The following LRMDA variants were observed in gnomAD, a reference collection of about 807,000 sequenced individuals.
The protein encoded by LRMDA is leucine-rich melanocyte differentiation-associated protein.
A neutral mutation model predicts 29.8 loss-of-function variants in LRMDA; 18 were observed. That is an observed-to-expected ratio of 0.60 (90% confidence interval 0.42 to 0.90). The LOEUF is 0.90. Ranked by LOEUF, LRMDA falls within the 40% of genes least tolerant of loss-of-function variation. The probability of loss-of-function intolerance (pLI) is 0.00; values close to 1 mark genes in which losing one functional copy is unlikely to be tolerated. For synonymous variants in LRMDA, 125 were observed against 109.4 expected (o/e 1.14, Z -0.89); for missense variants, 273 against 273.9 (o/e 1.00, Z 0.02).
intron 2 of LRMDA, among the ~76,000 whole-genome samples, chr10:75,585,672 A>T (rs1770444194): frequency 1.3e-5 from 2 of 152,268 alleles, no homozygotes; most frequent in African/African-American, 4.8e-5. Context: ...ATTTTATTTT[A>T]TTGTGGTAAG....
At chr10:76,032,343 C>A (rs906041289) in intron 2 of LRMDA, among the ~76,000 whole-genome samples, 4 of 152,336 alleles carry the variant, frequency 2.6e-5, no homozygotes, top group African/African-American at 9.6e-5. Context: ...CACGCCTGTT[C>A]GGCGCTGCTG....
chr10:76,536,082 A>G (rs1411120445), intron 6 of LRMDA: 1 of 152,194 alleles, frequency 6.6e-6, no homozygotes, highest in Non-Finnish European at 1.5e-5. Flanking sequence ...TGGCATATAG[A>G]TACCATTTTA....
intron 2 of LRMDA, among the ~76,000 whole-genome samples, chr10:75,974,480 T>G (rs983937018): frequency 1.3e-5 from 2 of 152,190 alleles, no homozygotes; most frequent in African/African-American, 4.8e-5. Flanking sequence ...GTCTGTAAAA[T>G]GAGGATAGCA....
chr10:75,936,019 T>G (rs952930295), intron 2 of LRMDA, among the ~76,000 whole-genome samples: 1 of 152,136 alleles, frequency 6.6e-6, no homozygotes, highest in South Asian at 2.1e-4. Context: ...TTATTTTATT[T>G]TGTTTAAAAG....
intron 2 of LRMDA, among the ~76,000 whole-genome samples, chr10:75,999,124 C>T (rs1847519812): frequency 6.6e-6 from 1 of 152,210 alleles, no homozygotes; most frequent in African/African-American, 2.4e-5. Flanking sequence ...GCATGTCACA[C>T]AGCTGGTGGG....
At chr10:75,836,069 C>G (rs1215365233) in intron 2 of LRMDA, among the ~76,000 whole-genome samples, 1 of 152,038 alleles carries the variant, frequency 6.6e-6, no homozygotes, top group Non-Finnish European at 1.5e-5. Context: ...TGTAGGGGTT[C>G]AGGGCGACTT....
intron 5 of LRMDA, among the ~76,000 whole-genome samples, chr10:76,095,844 T>A (rs1005401280): frequency 6.6e-6 from 1 of 152,280 alleles, no homozygotes; most frequent in Middle Eastern, 3.4e-3. Flanking sequence ...TTCAAATCTT[T>A]TGTCCATTTA....
At chr10:76,232,542 G>A (rs1185572574) in intron 5 of LRMDA, among the ~76,000 whole-genome samples, 1 of 152,200 alleles carries the variant, frequency 6.6e-6, no homozygotes, top group African/African-American at 2.4e-5. Flanking sequence ...GACTGATGCA[G>A]GATTTTCTTC....
intron 6 of LRMDA, among the ~76,000 whole-genome samples, chr10:76,533,148 AGAGT>A (rs3066541): frequency 0.35 from 53,317 of 151,678 alleles, 10,077 homozygotes; most frequent in Middle Eastern, 0.51. Flanking sequence ...AGCGAGAGCG[AGAGT>A]GAGAGAGAGC....
intron 2 of LRMDA, among the ~76,000 whole-genome samples, chr10:75,851,798 G>A (rs1451302276): frequency 6.6e-6 from 1 of 152,230 alleles, no homozygotes; most frequent in Non-Finnish European, 1.5e-5. Flanking sequence ...AGACGACAGT[G>A]TTATAAATCA....
intron 5 of LRMDA, among the ~76,000 whole-genome samples, chr10:76,068,936 C>T (rs1209370858): frequency 5.9e-5 from 9 of 152,232 alleles, no homozygotes; most frequent in Admixed American, 3.3e-4. Context: ...AGGGGCTTCT[C>T]ATTTCAAAAG....
intron 2 of LRMDA, among the ~76,000 whole-genome samples, chr10:75,773,402 G>C (rs1212956372): frequency 6.6e-6 from 1 of 152,162 alleles, no homozygotes; most frequent in Non-Finnish European, 1.5e-5. Context: ...AGCTGGGGAA[G>C]GAAGTTTGTG....
intron 5 of LRMDA, among the ~76,000 whole-genome samples, chr10:76,157,877 A>G (rs535532161): frequency 6.6e-6 from 1 of 152,318 alleles, no homozygotes; most frequent in Non-Finnish European, 1.5e-5. Context: ...CCTAGGCCAT[A>G]TGGTATAGCC....
At chr10:75,968,034 G>T (rs1481529412) in intron 2 of LRMDA, among the ~76,000 whole-genome samples, 4 of 152,114 alleles carry the variant, frequency 2.6e-5, no homozygotes, top group African/African-American at 9.7e-5. Context: ...AGCCTAGTAG[G>T]CCTGACAGTT....
intron 2 of LRMDA, among the ~76,000 whole-genome samples, chr10:75,685,368 C>T (rs1842068990): frequency 6.6e-6 from 1 of 152,170 alleles, no homozygotes; most frequent in Non-Finnish European, 1.5e-5. Flanking sequence ...GGTATTCTTC[C>T]AGTGGTCACA....
chr10:75,542,943 G>A (rs1840035720), intron 2 of LRMDA, among the ~76,000 whole-genome samples: 1 of 152,194 alleles, frequency 6.6e-6, no homozygotes, highest in Non-Finnish European at 1.5e-5. Context: ...AATTGTTAAT[G>A]ACACCGAGGA....
At chr10:75,609,884 T>C (rs1841006274) in intron 2 of LRMDA, among the ~76,000 whole-genome samples, 1 of 152,154 alleles carries the variant, frequency 6.6e-6, no homozygotes, top group Non-Finnish European at 1.5e-5. Context: ...TTAGACTTTA[T>C]TGGCCCAATA....
chr10:76,043,047 A>C (rs887355193), intron 3 of LRMDA, among the ~76,000 whole-genome samples: 1 of 152,092 alleles, frequency 6.6e-6, no homozygotes, highest in Non-Finnish European at 1.5e-5. Flanking sequence ...AGACGAACCC[A>C]GGAGGCAGAG....
chr10:75,803,142 G>A (rs1843787669), intron 2 of LRMDA, among the ~76,000 whole-genome samples: 1 of 152,086 alleles, frequency 6.6e-6, no homozygotes. Flanking sequence ...GTGATTGAGA[G>A]CACAGCCTGA....
Sources: gnomAD v4.1 joint callset for allele counts (sites outside exome capture counted in the v4.1 genomes callset) on GRCh38, gnomAD v4.1.1 for gene constraint, MANE v1.5 for transcripts, NCBI Gene and HGNC (gene_info 2026-07-23, HGNC 2026-07-21) for gene names.